Variants in PREX2 observed in about 807,000 individuals in gnomAD.
The protein encoded by PREX2 is phosphatidylinositol-3,4,5-trisphosphate dependent Rac exchange factor 2, also known as phosphatidylinositol 3,4,5-trisphosphate-dependent Rac exchanger 2 protein.
In PREX2, 107 loss-of-function variants were observed where a neutral mutation model predicts 203.2. The ratio of observed to expected loss-of-function variants is 0.53; its 90% CI spans 0.45 to 0.62. The LOEUF is 0.62. Ranked by LOEUF, PREX2 falls within the 20% of genes least tolerant of loss-of-function variation. The pLI is 0.00. For synonymous variants in PREX2, 672 were observed against 663.6 expected, an observed-to-expected ratio of 1.01 and a Z score of -0.19; for missense variants, 1,777 against 1,955.9, an observed-to-expected ratio of 0.91 and a Z score of 1.72.
Position 68,231,360 on chromosome 8 carries a change from C to T in PREX2, c.4803C>T (p.Pro1601=). 1.2e-6 allele frequency: 2 copies of T among 1,600,016 alleles called. No individual in the cohort carries two copies. Among genetic ancestry groups the T allele is most frequent in the African/African-American group, 1.3e-5 (1 of 74,438 alleles). The stretch of plus-strand genomic sequence containing the variant: ...TGTACAAGCTGTGCGAGCCACCTCC[C>T]CCAGCTGGAGAAGAATGAAAAGAAC... ...PRLYKLCEPP[P]PAGEE is the part of the protein sequence containing the mutation. Residue 1601 remains proline (P), a synonymous_variant, in exon 40 of 40, where the codon CCC becomes CCT. Transcript: ENST00000288368.
chr8:68,027,773 G>GAAT (rs1276301329), intron 5 of PREX2, among the ~76,000 whole-genome samples: 1 of 152,012 alleles, frequency 6.6e-6, no homozygotes, highest in Non-Finnish European at 1.5e-5. Flanking sequence ...TTATTCAAGG[G>GAAT]AATAGTGTGG....
chr8:68,175,859 A>G (rs1811969022), intron 35 of PREX2, among the ~76,000 whole-genome samples: 1 of 151,942 alleles, frequency 6.6e-6, no homozygotes, highest in Non-Finnish European at 1.5e-5. Context: ...TATAATGATA[A>G]ATATATATCT....
intron 37 of PREX2, among the ~76,000 whole-genome samples, chr8:68,213,388 C>T (rs1812777500): frequency 6.6e-6 from 1 of 152,144 alleles, no homozygotes; most frequent in Non-Finnish European, 1.5e-5. Context: ...GGGATTCGTA[C>T]AAGTAAGGGG....
At chr8:68,220,511 C>G (rs1047817330) in intron 38 of PREX2, among the ~76,000 whole-genome samples, 1 of 152,106 alleles carries the variant, frequency 6.6e-6, no homozygotes, top group Non-Finnish European at 1.5e-5. Flanking sequence ...AGTATCAAAG[C>G]ATCACACTGG....
At chr8:68,045,697 G>C (rs1376258178) in intron 8 of PREX2, among the ~76,000 whole-genome samples, 1 of 152,082 alleles carries the variant, frequency 6.6e-6, no homozygotes, top group East Asian at 1.9e-4. Flanking sequence ...TTCCTCAGTG[G>C]CTAACTGTGG....
At chr8:68,115,120 T>A (rs1810624911) in intron 25 of PREX2, among the ~76,000 whole-genome samples, 1 of 142,932 alleles carries the variant, frequency 7.0e-6, no homozygotes, top group African/African-American at 2.6e-5. Context: ...CTCCGCCTCC[T>A]GGGTTCAAGC....
intron 15 of PREX2, among the ~76,000 whole-genome samples, chr8:68,079,118 C>G (rs11778582): frequency 0.53 from 81,169 of 152,022 alleles, 21,682 homozygotes; most frequent in South Asian, 0.56. Flanking sequence ...CCTAGGAGTT[C>G]GAGACCAGCC....
chr8:68,007,735 G>T (rs1372973011), intron 1 of PREX2, among the ~76,000 whole-genome samples: 1 of 152,038 alleles, frequency 6.6e-6, no homozygotes, highest in East Asian at 1.9e-4. Context: ...TCAGCCTCCT[G>T]AGTAGCTGGG....
intron 1 of PREX2, among the ~76,000 whole-genome samples, chr8:67,971,749 T>C (rs1805933222): frequency 6.6e-6 from 1 of 152,166 alleles, no homozygotes; most frequent in African/African-American, 2.4e-5. Context: ...GTGGAAAAGA[T>C]ATAGTTAAAG....
intron 38 of PREX2, among the ~76,000 whole-genome samples, chr8:68,220,810 C>G (rs917328254): frequency 6.6e-6 from 1 of 152,082 alleles, no homozygotes; most frequent in Non-Finnish European, 1.5e-5. Context: ...GGATAGCTGG[C>G]GAAGGGCTTC....
At chr8:68,051,729 A>G (rs539791339) in intron 8 of PREX2, among the ~76,000 whole-genome samples, 1 of 152,272 alleles carries the variant, frequency 6.6e-6, no homozygotes, top group South Asian at 2.1e-4. Flanking sequence ...AAAGGTAATA[A>G]AAGTACAAAA....
Position 68,146,272 on chromosome 8 carries a change from A to G in PREX2, c.4151A>G (p.Asp1384Gly). Reference sequence around the variant, plus strand: ...GCTCTGAAAGTTTACTTCTACATTGATAGTTATCATTTTGAACAACTTCCT... The same window carrying G: ...GCTCTGAAAGTTTACTTCTACATTGGTAGTTATCATTTTGAACAACTTCCT... ...RQALKVYFYI[D>G]SYHFEQLPQR... is the part of the protein sequence containing the mutation. The change falls in exon 34 of 40, where the codon GAT (aspartate) becomes GGT (glycine). Residue 1384 changes from aspartate to glycine, a missense_variant. Coordinates refer to ENST00000288368, the MANE Select transcript of PREX2 (RefSeq NM_024870.4). 1 of 1,612,330 alleles carries G rather than the reference A, an allele frequency of 6.2e-7. No homozygotes were observed. Among genetic ancestry groups the G allele is most frequent in the Non-Finnish European group, 8.5e-7 (1 of 1,178,926 alleles).
chr8:68,051,610 A>C (rs746563160), intron 8 of PREX2, among the ~76,000 whole-genome samples: 3 of 152,158 alleles, frequency 2.0e-5, no homozygotes, highest in Non-Finnish European at 4.4e-5. Flanking sequence ...TTGCACTGTA[A>C]TTATGAAGTA....
At chr8:68,080,689 G>T in intron 16 of PREX2, 57 bp from the exon 17 acceptor site, 1 of 1,455,994 alleles carries the variant, frequency 6.9e-7, no homozygotes, top group South Asian at 1.2e-5. Context: ...CGTTCTGTTT[G>T]ACTTGTAATT....
In PREX2 at chr8:68,043,052, A is replaced by G. The variant is rs141797909; in HGVS notation, c.840-1435A>G. 6.5e-3 allele frequency among the ~76,000 whole-genome samples: 983 copies of G among 152,208 alleles called. 14 individuals carry two copies. The highest frequency in any genetic ancestry group is 0.023 in the African/African-American group (955 of 41,564). On this transcript the variant is annotated intron_variant, in intron 7 of 39. Coordinates refer to ENST00000288368, the MANE Select transcript of PREX2 (RefSeq NM_024870.4). ...CTTACAAGAAATTCTATTTTTCAAA[A>G]CACCATGATATTATTTTCCAGCTGG...
chr8:68,193,184 C>G (rs746834844), intron 37 of PREX2, among the ~76,000 whole-genome samples: 5 of 152,300 alleles, frequency 3.3e-5, no homozygotes, highest in South Asian at 4.1e-4. Flanking sequence ...TCTTCATAAT[C>G]ATATGCTTTC....
At chr8:68,166,168 A>G (rs1811758749) in intron 35 of PREX2, among the ~76,000 whole-genome samples, 1 of 152,184 alleles carries the variant, frequency 6.6e-6, no homozygotes, top group African/African-American at 2.4e-5. Context: ...GGAAAGAGAG[A>G]GGGTTTGAAA....
chr8:68,010,990 T>G (rs1467146743), intron 1 of PREX2, among the ~76,000 whole-genome samples: 1 of 152,080 alleles, frequency 6.6e-6, no homozygotes, highest in Admixed American at 6.6e-5. Context: ...CAATAAGAAT[T>G]TATTGCCAAA....
chr8:67,963,325 TAGA>T (rs1805682313), intron 1 of PREX2, among the ~76,000 whole-genome samples: 1 of 152,100 alleles, frequency 6.6e-6, no homozygotes, highest in Non-Finnish European at 1.5e-5. Flanking sequence ...AGCAACAAAA[TAGA>T]AGGAGACTAT....
Sources: gnomAD v4.1 joint callset for allele counts (sites outside exome capture counted in the v4.1 genomes callset) on GRCh38, gnomAD v4.1.1 for gene constraint, MANE v1.5 for transcripts, NCBI Gene and HGNC (gene_info 2026-07-23, HGNC 2026-07-21) for gene names.